PITPNA: variants seen among roughly 807,000 people sequenced by gnomAD.
PITPNA encodes the protein phosphatidylinositol transfer protein alpha isoform.
Under a neutral mutation model 50.3 loss-of-function variants are expected in PITPNA, and 13 were observed. The observed-to-expected ratio is 0.26, with a 90% confidence interval of 0.17 to 0.41. PITPNA has a LOEUF of 0.41. Ranked by LOEUF, PITPNA falls within the 10% of genes least tolerant of loss-of-function variation. The pLI, the probability that PITPNA is intolerant of heterozygous loss-of-function variation, is 1.00. For synonymous variants in PITPNA, 120 were observed against 119.6 expected, an observed-to-expected ratio of 1.00 and a Z score of -0.02; for missense variants, 207 against 333.4, an observed-to-expected ratio of 0.62 and a Z score of 2.95.
At chr17:1,547,220 G>C (rs1567584181) in intron 4 of PITPNA, among the ~76,000 whole-genome samples, 1 of 147,262 alleles carries the variant, frequency 6.8e-6, no homozygotes, top group Non-Finnish European at 1.5e-5. Flanking sequence ...AAAAAACCTA[G>C]CCGGACATGA....
intron 1 of PITPNA, among the ~76,000 whole-genome samples, chr17:1,559,271 A>G (rs1198211153): frequency 1.3e-5 from 2 of 152,076 alleles, no homozygotes; most frequent in African/African-American, 2.4e-5. Flanking sequence ...AGGAATCCCA[A>G]TTTATCATTT....
chr17:1,543,821 C>A (rs373443997), intron 4 of PITPNA, among the ~76,000 whole-genome samples: 4 of 152,174 alleles, frequency 2.6e-5, no homozygotes, highest in Non-Finnish European at 5.9e-5. Context: ...CCATACCCAA[C>A]GAAAGACACT....
rs1165997996 is a variant in PITPNA at position 1,518,384 on chromosome 17, G to A, written c.*2177C>T. 2 of 152,668 alleles carry A rather than the reference G, an allele frequency of 1.3e-5. No homozygotes were observed. The highest frequency in any genetic ancestry group is 4.8e-5 in the African/African-American group (2 of 41,454). The allele number at this position is 152,668 out of a possible 1,614,324, so 9.5% of individuals were successfully genotyped here. A position where few individuals can be genotyped will look rare whatever the true frequency, so the allele number is the denominator to read the frequency against. On this transcript the variant is annotated 3_prime_UTR_variant, in exon 12 of 12. Transcript: ENST00000313486. The stretch of plus-strand genomic sequence containing the variant: ...CCCTGGAGCTGAACCTTTATCATAA[G>A]TCCCTCTGAGTGCTAGTCAGTTTGG...
chr17:1,526,024 C>T (rs1287097876), intron 10 of PITPNA, among the ~76,000 whole-genome samples: 2 of 152,302 alleles, frequency 1.3e-5, no homozygotes, highest in East Asian at 3.8e-4. Context: ...CACCCCCCTC[C>T]ACTATATGGA....
rs985165815 is a variant in PITPNA at position 1,527,882 on chromosome 17, C to T, written c.768+6217G>A. 3.9e-5 allele frequency among the ~76,000 whole-genome samples: 6 copies of T among 152,244 alleles called. No individual in the cohort carries two copies. In the East Asian group the frequency reaches 5.8e-4, roughly 15 times the overall value. ...TTCAATCATTTCAAAATAAAAGGTT[C>T]GGTGCAGAAATGAAGCTGGCTGGGT... is the stretch of plus-strand genomic sequence containing the variant. On this transcript the variant is annotated intron_variant, in intron 10 of 11. Transcript: ENST00000313486.
intron 3 of PITPNA, 38 bp from the exon 4 acceptor site, chr17:1,548,425 TAGAG>T (rs2075690284): frequency 7.0e-7 from 1 of 1,422,494 alleles, no homozygotes. Context: ...AGAGAAATGG[TAGAG>T]AGAAAGGAGA....
intron 9 of PITPNA, 150 bp from the exon 10 acceptor site, chr17:1,534,371 C>A: frequency 1.1e-6 from 1 of 884,056 alleles, no homozygotes; most frequent in Non-Finnish European, 1.7e-6. Context: ...TCTGGACCAG[C>A]CATGGGTCAA....
At chr17:1,558,734 C>T (rs1411630752) in intron 1 of PITPNA, among the ~76,000 whole-genome samples, 175 bp from the exon 2 acceptor site, 1 of 148,344 alleles carries the variant, frequency 6.7e-6, no homozygotes, top group East Asian at 2.1e-4. Flanking sequence ...ACCCTCTGTG[C>T]CCTAGAGGTG....
At chr17:1,540,438 G>T (rs1489963723) in intron 6 of PITPNA, among the ~76,000 whole-genome samples, 1 of 152,088 alleles carries the variant, frequency 6.6e-6, no homozygotes, top group African/African-American at 2.4e-5. Flanking sequence ...TATGAAGGGC[G>T]GCATGCACAC....
At chr17:1,558,969 GT>G (rs1567589109) in intron 1 of PITPNA, among the ~76,000 whole-genome samples, 1 of 151,932 alleles carries the variant, frequency 6.6e-6, no homozygotes, top group Non-Finnish European at 1.5e-5. Context: ...CCAATGAGTC[GT>G]CCCCCCAACA....
rs1161776171 is a variant in PITPNA, at chr17:1,562,033, GCAGA to G, written c.20+504_20+507del. ...GGCTGAGCCCGCGCCCTCGGCCCGC[GCAGA>G]GCGACCCCACAGCACTCCCAGCGCT... On this transcript the variant is annotated intron_variant, in intron 1 of 11. Transcript: ENST00000313486. The surrounding 1 kb of genome is among the most constrained non-coding windows in gnomAD (Gnocchi z 6.4). Among the ~76,000 whole-genome samples, 2 of 151,726 alleles carry G rather than the reference GCAGA, an allele frequency of 1.3e-5. No individual in the cohort carries two copies. Among genetic ancestry groups the G allele is most frequent in the African/African-American group, 4.8e-5 (2 of 41,308 alleles).
rs565764315 is a variant in PITPNA at position 1,547,852 on chromosome 17, G to A, written c.289+444C>T. 3.9e-5 allele frequency among the ~76,000 whole-genome samples: 6 copies of A among 152,052 alleles called. No individual in the cohort carries two copies. In the South Asian group the frequency reaches 1.2e-3, roughly 32 times the overall value. ...CTACTACAATACAAAAAATTAGCCAGGCGTGGCGGTATGCGCCTGTAGTCC... is the reference window on the plus strand; with the variant it reads ...CTACTACAATACAAAAAATTAGCCAAGCGTGGCGGTATGCGCCTGTAGTCC... On this transcript the variant is annotated intron_variant, in intron 4 of 11. Transcript: ENST00000313486.
intron 2 of PITPNA, 48 bp downstream of exon 2, chr17:1,558,481 T>C (rs1313687089): frequency 5.4e-6 from 7 of 1,289,304 alleles, no homozygotes; most frequent in Non-Finnish European, 7.9e-6. Flanking sequence ...TAGCCAATGG[T>C]CACAAACAGT....
intron 4 of PITPNA, among the ~76,000 whole-genome samples, chr17:1,546,654 A>C (rs1457277020): frequency 6.6e-6 from 1 of 152,140 alleles, no homozygotes; most frequent in African/African-American, 2.4e-5. Context: ...CACCTACCTC[A>C]CAGACAAGTG....
chr17:1,535,743 T>C (rs1473654212), intron 7 of PITPNA: 8 of 558,784 alleles, frequency 1.4e-5, no homozygotes, highest in Middle Eastern at 9.8e-4. Flanking sequence ...ATTTTGCCAG[T>C]GTGAAAGTAT....
At chr17:1,520,739 C>T (rs115056417) in intron 11 of PITPNA, among the ~76,000 whole-genome samples, 5 of 152,232 alleles carry the variant, frequency 3.3e-5, no homozygotes, top group East Asian at 3.9e-4. Flanking sequence ...CCAGCCTCCC[C>T]GAGGCTGCTT....
At chr17:1,539,901 T>C (rs1411069400) in intron 6 of PITPNA, among the ~76,000 whole-genome samples, 1 of 152,248 alleles carries the variant, frequency 6.6e-6, no homozygotes, top group East Asian at 1.9e-4. Flanking sequence ...CACGCCCAGC[T>C]AATTTTTGTA....
rs576207510 is a variant in PITPNA at position 1,548,197 on chromosome 17, A to AG, written c.289+98dup. 1.5e-4 allele frequency: 112 copies of AG among 732,856 alleles called. 1 individual carries two copies. In the African/African-American group the frequency reaches 1.6e-3, roughly 10 times the overall value. 45.4% of individuals were successfully genotyped at this position (732,856 alleles called of 1,614,324 possible). On this transcript the variant is annotated intron_variant, in intron 4 of 11. Coordinates refer to ENST00000313486, the MANE Select transcript of PITPNA (RefSeq NM_006224.4). ...ACCCACCATCAGCCGGAAGGGACCC[A>AG]GCCCGAGCCTTTCCCTGGCCTAATC...
At chr17:1,552,456 T>C (rs1292207024) in intron 3 of PITPNA, among the ~76,000 whole-genome samples, 1 of 152,170 alleles carries the variant, frequency 6.6e-6, no homozygotes, top group Non-Finnish European at 1.5e-5. Flanking sequence ...AGTACACAAA[T>C]CAGTTCAAGC....
Sources: allele counts gnomAD v4.1 joint callset (sites outside exome capture counted in the v4.1 genomes callset), GRCh38; gene constraint gnomAD v4.1.1; non-coding constraint Gnocchi (gnomAD v3.1); transcripts MANE v1.5; gene names NCBI Gene and HGNC (gene_info 2026-07-23, HGNC 2026-07-21).